The following TMEM117 variants were observed in gnomAD, a reference collection of about 807,000 sequenced individuals.
TMEM117 encodes the protein transmembrane protein 117.
Under a neutral mutation model 52.4 loss-of-function variants are expected in TMEM117, and 27 were observed. The ratio of observed to expected loss-of-function variants is 0.51; its 90% CI spans 0.38 to 0.71. The LOEUF (loss-of-function observed/expected upper bound fraction) is 0.71. TMEM117 is among the 30% of genes least tolerant of loss of function. TMEM117 has a pLI of 0.00. For missense variants in TMEM117, 556 were observed against 630.5 expected, an observed-to-expected ratio of 0.88 and a Z score of 1.26; for synonymous variants, 215 against 206.3, an observed-to-expected ratio of 1.04 and a Z score of -0.36.
chr12:44,369,114 TGAA>T (rs994734829), intron 6 of TMEM117, among the ~76,000 whole-genome samples: 3 of 152,206 alleles, frequency 2.0e-5, no homozygotes, highest in Admixed American at 1.3e-4. Flanking sequence ...ATTTGCCTAG[TGAA>T]GGAGTACTGA....
intron 2 of TMEM117, among the ~76,000 whole-genome samples, chr12:43,886,235 A>G (rs1943991996): frequency 1.3e-5 from 2 of 152,158 alleles, no homozygotes; most frequent in South Asian, 2.1e-4. Flanking sequence ...ACTAAGGAAT[A>G]TAAGGGACAT....
intron 5 of TMEM117, among the ~76,000 whole-genome samples, chr12:44,255,322 G>A (rs1950247229): frequency 6.6e-6 from 1 of 151,930 alleles, no homozygotes; most frequent in African/African-American, 2.4e-5. Context: ...GTGGGCAAAG[G>A]ATATGAACAG....
intron 6 of TMEM117, among the ~76,000 whole-genome samples, chr12:44,325,235 G>C (rs1951179974): frequency 6.6e-6 from 1 of 152,028 alleles, no homozygotes; most frequent in Non-Finnish European, 1.5e-5. Context: ...CACCTCAGGG[G>C]ACCTGAGATT....
At chr12:43,957,128 G>C (rs1232157986) in intron 3 of TMEM117, among the ~76,000 whole-genome samples, 1 of 152,064 alleles carries the variant, frequency 6.6e-6, no homozygotes, top group Non-Finnish European at 1.5e-5. Context: ...ACAGGGAGGG[G>C]AACAACAGAC....
chr12:44,214,604 A>C (rs1426485505), intron 5 of TMEM117, among the ~76,000 whole-genome samples: 1 of 150,166 alleles, frequency 6.7e-6, no homozygotes, highest in East Asian at 1.9e-4. Context: ...AGCAACTAAA[A>C]TTCACACTTT....
intron 5 of TMEM117, among the ~76,000 whole-genome samples, chr12:44,220,057 T>A (rs990241418): frequency 3.9e-5 from 6 of 152,110 alleles, no homozygotes; most frequent in African/African-American, 1.4e-4. Context: ...TTTCACTATC[T>A]TTGGAAAGAT....
chr12:43,895,441 T>C (rs569608830), intron 2 of TMEM117, among the ~76,000 whole-genome samples: 15 of 152,314 alleles, frequency 9.8e-5, no homozygotes, highest in Non-Finnish European at 2.2e-4. Context: ...CTATTGTGAA[T>C]AGTGCAGCAA....
At chr12:44,053,715 A>T (rs968042158) in intron 3 of TMEM117, among the ~76,000 whole-genome samples, 3 of 152,232 alleles carry the variant, frequency 2.0e-5, no homozygotes, top group African/African-American at 7.2e-5. Context: ...AGACACTCTT[A>T]TCATTAAGGA....
intron 2 of TMEM117, among the ~76,000 whole-genome samples, chr12:43,870,264 T>C (rs1020377981): frequency 2.6e-5 from 4 of 151,756 alleles, no homozygotes; most frequent in African/African-American, 9.7e-5. Flanking sequence ...TGTCTTTTTT[T>C]TTTTTTTCTT....
intron 3 of TMEM117, chr12:44,009,004 G>A (rs1453051243): frequency 2.8e-6 from 1 of 363,364 alleles, no homozygotes; most frequent in Non-Finnish European, 5.5e-6. Flanking sequence ...GAATTCTCTG[G>A]TACTTAATAA....
intron 5 of TMEM117, among the ~76,000 whole-genome samples, chr12:44,298,089 GAA>G (rs149555021): frequency 7.0e-6 from 1 of 142,222 alleles, no homozygotes; most frequent in Non-Finnish European, 1.5e-5. Flanking sequence ...TTCATGAGGA[GAA>G]AAAAAAACAT....
At chr12:44,063,215 A>C (rs1319277940) in intron 3 of TMEM117, among the ~76,000 whole-genome samples, 1 of 152,176 alleles carries the variant, frequency 6.6e-6, no homozygotes, top group Non-Finnish European at 1.5e-5. Context: ...TATTTCTTCA[A>C]TGTAGAATTA....
chr12:44,203,089 A>C (rs568696762), intron 4 of TMEM117, among the ~76,000 whole-genome samples: 1 of 142,468 alleles, frequency 7.0e-6, no homozygotes, highest in African/African-American at 2.7e-5. Flanking sequence ...GCCACCACAC[A>C]TGGCCTTTGT....
chr12:44,316,738 C>T (rs941615070), intron 6 of TMEM117, among the ~76,000 whole-genome samples: 1 of 151,986 alleles, frequency 6.6e-6, no homozygotes, highest in Non-Finnish European at 1.5e-5. Flanking sequence ...AATTTGTTTG[C>T]TTTACATAAT....
At chr12:44,333,635 T>A (rs896584832) in intron 6 of TMEM117, among the ~76,000 whole-genome samples, 3 of 151,996 alleles carry the variant, frequency 2.0e-5, no homozygotes, top group African/African-American at 7.2e-5. Context: ...CCTTCCTCCA[T>A]GATTGTAAGT....
chr12:44,360,002 A>G (rs969236782), intron 6 of TMEM117, among the ~76,000 whole-genome samples: 3 of 152,210 alleles, frequency 2.0e-5, no homozygotes, highest in African/African-American at 7.2e-5. Context: ...CAAAGAAAAC[A>G]TAAATTTGTA....
chr12:44,357,647 A>G (rs1205211044), intron 6 of TMEM117, among the ~76,000 whole-genome samples: 6 of 152,146 alleles, frequency 3.9e-5, no homozygotes, highest in African/African-American at 7.2e-5. Context: ...CAGAATGGCT[A>G]TTACTAAAAA....
intron 3 of TMEM117, among the ~76,000 whole-genome samples, chr12:44,067,389 T>C (rs554750130): frequency 1.6e-4 from 24 of 152,308 alleles, no homozygotes; most frequent in African/African-American, 5.5e-4. Context: ...GGAATCACTA[T>C]CTATGGCTGC....
chr12:44,370,013 T>C (rs1200890838), intron 6 of TMEM117, among the ~76,000 whole-genome samples: 4 of 152,200 alleles, frequency 2.6e-5, no homozygotes, highest in Admixed American at 1.3e-4. Context: ...GCAGGGCATC[T>C]CTTAACATTC....
Sources: gnomAD v4.1 joint callset for allele counts (sites outside exome capture counted in the v4.1 genomes callset) on GRCh38, gnomAD v4.1.1 for gene constraint, MANE v1.5 for transcripts, NCBI Gene and HGNC (gene_info 2026-07-23, HGNC 2026-07-21) for gene names.